The following KIAA1217 variants were observed in gnomAD, a reference collection of about 807,000 sequenced individuals.
KIAA1217 encodes the protein sickle tail protein homolog.
KIAA1217 carries 88 observed loss-of-function variants against 163.9 expected under a neutral mutation model. The ratio of observed to expected loss-of-function variants is 0.54; its 90% confidence interval spans 0.45 to 0.64. The LOEUF is 0.64. KIAA1217 is among the 30% of genes least tolerant of loss of function. KIAA1217 has a pLI of 0.00. For missense variants in KIAA1217, 2,372 were observed against 2,475.0 expected (o/e 0.96, Z 0.88); for synonymous variants, 903 against 923.1 (o/e 0.98, Z 0.39).
chr10:24,181,124 C>T (rs564291021), intron 2 of KIAA1217, among the ~76,000 whole-genome samples: 2 of 152,272 alleles, frequency 1.3e-5, no homozygotes, highest in African/African-American at 4.8e-5. Context: ...AGACATGGTC[C>T]CTGTTATCTT....
chr10:24,194,955 T>C (rs1315895182), intron 2 of KIAA1217, among the ~76,000 whole-genome samples: 1 of 151,934 alleles, frequency 6.6e-6, no homozygotes, highest in African/African-American at 2.4e-5. Flanking sequence ...TGTACGAGGA[T>C]AACAAGTCCC....
At chr10:23,752,698 C>T (rs918472421) in intron 1 of KIAA1217, among the ~76,000 whole-genome samples, 1 of 152,036 alleles carries the variant, frequency 6.6e-6, no homozygotes, top group African/African-American at 2.4e-5. Context: ...GTATCAAAGG[C>T]ATTAGTTATG....
chr10:23,987,233 C>T lies in KIAA1217; in HGVS notation c.-320-19992C>T, dbSNP rs542333118. On this transcript the variant is annotated intron_variant, in intron 1 of 18. Transcript: ENST00000376462. ...TCTACTAAAAATACAAAAAATTAGC[C>T]GGGTGTGGTGGTGGACGCCTGTAGT... Among the ~76,000 whole-genome samples the T allele has an allele frequency of 3.2e-4, 49 of 151,756 alleles. No individual in the cohort carries two copies. The South Asian group carries it at 4.6e-3, about 14-fold the overall frequency.
chr10:23,990,195 G>A (rs1846159688), intron 1 of KIAA1217, among the ~76,000 whole-genome samples: 1 of 152,154 alleles, frequency 6.6e-6, no homozygotes, highest in Non-Finnish European at 1.5e-5. Context: ...AGAGAGAGGA[G>A]GAGAACTATT....
At chr10:23,982,535 C>G (rs1011000625) in intron 1 of KIAA1217, among the ~76,000 whole-genome samples, 1 of 82,672 alleles carries the variant, frequency 1.2e-5, no homozygotes, top group Non-Finnish European at 2.4e-5. Flanking sequence ...TTGTTTCTCT[C>G]TCTCTCTCTC....
At chr10:24,370,264 C>CAGAAAAA (rs2051427081) in intron 2 of KIAA1217, among the ~76,000 whole-genome samples, 1 of 73,450 alleles carries the variant, frequency 1.4e-5, no homozygotes, top group African/African-American at 5.2e-5. Context: ...GACTCTGTCT[C>CAGAAAAA]AAAAAAAAAA....
intron 1 of KIAA1217, among the ~76,000 whole-genome samples, chr10:23,813,146 G>C (rs1036468921): frequency 5.3e-4 from 80 of 152,082 alleles, no homozygotes; most frequent in Non-Finnish European, 4.4e-5. Context: ...TGTGTTAAGT[G>C]CTATCTCCTT....
At position 24,219,738 on chromosome 10, in the gene KIAA1217, C is replaced by T. The variant is rs370399886; in HGVS notation, c.183C>T (p.Arg61=). Residue 61 remains arginine, a synonymous_variant, in exon 2 of 21, where the codon CGC becomes CGT. Transcript: ENST00000376454. ...GTGGTTCAGTTTCCAAGTCTTCCCG[C>T]AATATCCCAAGGAGACACACCCTAG... ...NSRGSVSKSS[R]NIPRRHTLGG... 1.9e-6 allele frequency: 3 copies of T among 1,613,864 alleles called. No individual in the cohort carries two copies. Among genetic ancestry groups the T allele is most frequent in the Non-Finnish European group, 2.5e-6 (3 of 1,179,956 alleles).
chr10:24,305,051 T>G (rs1017643765), intron 2 of KIAA1217, among the ~76,000 whole-genome samples: 1 of 152,228 alleles, frequency 6.6e-6, no homozygotes, highest in African/African-American at 2.4e-5. Flanking sequence ...AGGTCCTTGA[T>G]GATGCAGGCA....
At chr10:23,823,415 T>C (rs1837720152) in intron 1 of KIAA1217, among the ~76,000 whole-genome samples, 1 of 152,248 alleles carries the variant, frequency 6.6e-6, no homozygotes, top group Non-Finnish European at 1.5e-5. Context: ...TTAGAATCTC[T>C]GACTTCCTCT....
At chr10:23,790,628 T>TGTAC (rs1564424699) in intron 1 of KIAA1217, among the ~76,000 whole-genome samples, 3 of 103,534 alleles carry the variant, frequency 2.9e-5, no homozygotes, top group African/African-American at 9.3e-5. Flanking sequence ...TATATACATA[T>TGTAC]ATATGTACAT....
At chr10:24,076,236 G>T (rs768604343) in intron 2 of KIAA1217, among the ~76,000 whole-genome samples, 3 of 152,188 alleles carry the variant, frequency 2.0e-5, no homozygotes, top group Non-Finnish European at 2.9e-5. Flanking sequence ...TCTAAAGATT[G>T]ATACACAGCG....
chr10:24,542,952 G>A lies in KIAA1217; in HGVS notation c.3682G>A (p.Asp1228Asn). The change falls in exon 19 of 21, where the codon GAT becomes AAT. Residue 1228 changes from aspartate to asparagine, a missense_variant. By Grantham distance (23) the Asp-to-Asn change is conservative. This residue lies in a region of KIAA1217 where 251 missense variants were observed against 327.3 expected (regional missense o/e 0.77). Coordinates refer to ENST00000376454, the MANE Select transcript of KIAA1217 (RefSeq NM_019590.5). ...AAGAGGAATGGAGAATAGTATTTCT[G>A]ATGCATCAAGAACATCAGAATATAA... ...WERGMENSISDASRTSEYKTE... is the reference protein window; with the variant it reads ...WERGMENSISNASRTSEYKTE... The A allele has an allele frequency of 6.2e-7, 1 of 1,613,602 alleles. No homozygotes were observed.
chr10:24,051,997 CT>C (rs1461858031), intron 2 of KIAA1217, among the ~76,000 whole-genome samples: 1 of 152,064 alleles, frequency 6.6e-6, no homozygotes, highest in Non-Finnish European at 1.5e-5. Flanking sequence ...GTTGCATTTA[CT>C]TTTTGATTCT....
In KIAA1217 at chr10:24,105,186, C is replaced by T. The variant is rs751755780; in HGVS notation, c.-171+97812C>T. ...GTTTGGGTCCAGGTTGAAATTCTAGCGACTCACAGAGGCAAAAAAAGTAAG... is the reference window on the plus strand; with the variant it reads ...GTTTGGGTCCAGGTTGAAATTCTAGTGACTCACAGAGGCAAAAAAAGTAAG... On this transcript the variant is annotated intron_variant, in intron 2 of 18. Coordinates refer to the KIAA1217 transcript ENST00000376462. 9.9e-5 allele frequency among the ~76,000 whole-genome samples: 15 copies of T among 152,116 alleles called. No homozygotes were observed. In the South Asian group the frequency reaches 1.9e-3, roughly 19 times the overall value.
chr10:23,924,405 G>A (rs1046489386), intron 1 of KIAA1217, among the ~76,000 whole-genome samples: 1 of 152,170 alleles, frequency 6.6e-6, no homozygotes, highest in African/African-American at 2.4e-5. Flanking sequence ...TGAATTTTAA[G>A]TCTTCTCTAT....
chr10:24,427,555 A>T (rs925663796), intron 3 of KIAA1217, among the ~76,000 whole-genome samples: 1 of 152,214 alleles, frequency 6.6e-6, no homozygotes, highest in African/African-American at 2.4e-5. Flanking sequence ...CTTATCTGTG[A>T]AATGGGGTCA....
rs758512174 is a variant in KIAA1217 at position 23,977,882 on chromosome 10, G to A, written c.-320-29343G>A. Among the ~76,000 whole-genome samples the A allele has an allele frequency of 4.8e-4, 73 of 152,182 alleles. 1 individual carries two copies. The highest frequency in any genetic ancestry group is 1.5e-4 in the Non-Finnish European group (10 of 68,030). On this transcript the variant is annotated intron_variant, in intron 1 of 18. Coordinates refer to the KIAA1217 transcript ENST00000376462. ...CTAATTTGAAAAGAGAGCTTCAGGA[G>A]TAGTTACTACCTTTGGGACCTTGTC... is the stretch of plus-strand genomic sequence containing the variant.
At position 24,509,588 on chromosome 10, in the gene KIAA1217, C is replaced by T. The variant is rs115051175; in HGVS notation, c.2002-3671C>T. Among the ~76,000 whole-genome samples, 680 of 152,214 alleles carry T rather than the reference C, an allele frequency of 4.5e-3. 10 individuals carry two copies. The highest frequency in any genetic ancestry group is 0.016 in the African/African-American group (648 of 41,518). On this transcript the variant is annotated intron_variant, in intron 9 of 20. Coordinates refer to ENST00000376454, the MANE Select transcript of KIAA1217 (RefSeq NM_019590.5). ...CATTCATAGAGCAAATACAGTTGCCCCTTGAACAACATGGGGGTTGGGGTG... is the reference window on the plus strand; with the variant it reads ...CATTCATAGAGCAAATACAGTTGCCTCTTGAACAACATGGGGGTTGGGGTG...
Sources: gnomAD v4.1 joint callset for allele counts (sites outside exome capture counted in the v4.1 genomes callset) on GRCh38, gnomAD v4.1.1 for gene constraint, gnomAD v4.1.1 regional missense constraint, MANE v1.5 for transcripts, NCBI Gene and HGNC (gene_info 2026-07-23, HGNC 2026-07-21) for gene names.